Variants in CLCA2 observed in about 807,000 individuals in gnomAD.
CLCA2 encodes calcium-activated chloride channel regulator 2.
In CLCA2, 85 loss-of-function variants were observed where a neutral mutation model predicts 82.9. The observed-to-expected ratio is 1.03, with a 90% CI of 0.86 to 1.23. The LOEUF is 1.23. Among genes scored for constraint, CLCA2 ranks in the 50% most tolerant of loss-of-function variants. CLCA2 has a pLI of 0.00. For synonymous variants in CLCA2, 421 were observed against 391.7 expected, an observed-to-expected ratio of 1.07 and a Z score of -0.88; for missense variants, 1,089 against 1,124.8, an observed-to-expected ratio of 0.97 and a Z score of 0.45.
At chr1:86,441,022 T>TA (rs1662723534) in intron 8 of CLCA2, among the ~76,000 whole-genome samples, 1 of 152,186 alleles carries the variant, frequency 6.6e-6, no homozygotes, top group Admixed American at 6.5e-5. Context: ...CCTTATTCAA[T>TA]AAAAAATGGG....
intron 3 of CLCA2, 92 bp from the exon 4 acceptor site, chr1:86,430,770 T>C (rs1662480197): frequency 1.1e-6 from 1 of 910,592 alleles, no homozygotes; most frequent in Admixed American, 1.8e-5. Context: ...CCAAAGAGTA[T>C]GTGTGGTCAA....
At chr1:86,444,568 A>G (rs1400801740) in intron 10 of CLCA2, among the ~76,000 whole-genome samples, 1 of 152,206 alleles carries the variant, frequency 6.6e-6, no homozygotes, top group African/African-American at 2.4e-5. Flanking sequence ...TATTGTGGGC[A>G]GAGGAAACAG....
chr1:86,426,294 T>C (rs1162192893), intron 2 of CLCA2, among the ~76,000 whole-genome samples: 1 of 152,142 alleles, frequency 6.6e-6, no homozygotes, highest in Admixed American at 6.6e-5. Context: ...AGATTGTAAC[T>C]ACATCTCTAA....
chr1:86,447,667 T>C lies in CLCA2; in HGVS notation c.1873T>C (p.Tyr625His). Residue 625 changes from tyrosine (Y) to histidine (H), a missense_variant, in exon 11 of 14, where the codon TAT becomes CAT. Transcript: ENST00000370565. ...SLHFPHPVMI[Y>H]ANVKQGFYPI... is the part of the protein sequence containing the mutation. ...CCATTTTCCTCATCCTGTGATGATT[T>C]ATGCCAATGTGAAACAGGGATTTTA... The C allele has an allele frequency of 6.2e-7, 1 of 1,614,144 alleles. No individual in the cohort carries two copies. Among genetic ancestry groups the C allele is most frequent in the Non-Finnish European group, 8.5e-7 (1 of 1,180,024 alleles).
chr1:86,428,078 A>T (rs771262574), intron 2 of CLCA2, among the ~76,000 whole-genome samples: 1 of 152,180 alleles, frequency 6.6e-6, no homozygotes, highest in Non-Finnish European at 1.5e-5. Context: ...GTGTTTTGTT[A>T]TATCAGACTT....
At chr1:86,446,212 G>A (rs1313158999) in intron 10 of CLCA2, among the ~76,000 whole-genome samples, 3 of 143,056 alleles carry the variant, frequency 2.1e-5, no homozygotes, top group African/African-American at 7.8e-5. Flanking sequence ...GTGAGCTGTG[G>A]GAACTTTTTT....
chr1:86,455,320 G>A lies in CLCA2; in HGVS notation c.2625G>A (p.Gln875=). 1 of 1,613,938 alleles carries A rather than the reference G, an allele frequency of 6.2e-7. No homozygotes were observed. The highest frequency in any genetic ancestry group is 1.7e-5 in the Admixed American group (1 of 59,980). The stretch of plus-strand genomic sequence containing the variant: ...GAGCAATGGATAGGAACTCCTTACA[G>A]TCTGCTGTATCTAACATTGCCCAGG... The part of the protein sequence containing the change: ...AIRAMDRNSL[Q]SAVSNIAQAP... Residue 875 remains glutamine (Q), a synonymous_variant, in exon 14 of 14, where the codon CAG becomes CAA. Coordinates refer to ENST00000370565, the MANE Select transcript of CLCA2 (RefSeq NM_006536.7).
At chr1:86,438,437 C>T (rs1662656131) in intron 6 of CLCA2, among the ~76,000 whole-genome samples, 1 of 152,230 alleles carries the variant, frequency 6.6e-6, no homozygotes, top group Non-Finnish European at 1.5e-5. Flanking sequence ...ACCACAATAG[C>T]AGAGGGTAGT....
intron 5 of CLCA2, among the ~76,000 whole-genome samples, chr1:86,433,508 A>G (rs1264845583): frequency 1.3e-5 from 2 of 152,202 alleles, no homozygotes; most frequent in African/African-American, 4.8e-5. Context: ...TATAGCTTTA[A>G]TATCTGATAC....
Position 86,424,287 on chromosome 1 carries a change from A to G in CLCA2, c.40A>G (p.Lys14Glu), listed in dbSNP as rs1289898400. 1.9e-6 allele frequency: 3 copies of G among 1,613,692 alleles called. No individual in the cohort carries two copies. The highest frequency in any genetic ancestry group is 1.1e-5 in the South Asian group (1 of 91,026). The change falls in exon 1 of 14, where the codon AAG (lysine) becomes GAG (glutamate). Residue 14 changes from lysine to glutamate, a missense_variant. Transcript: ENST00000370565. ...RSIAGPICNL[K>E]FVTLLVALSS... ...CATTGCAGGTCCTATTTGCAACCTGAAGTTTGTGACTCTCCTGGTTGCCTT... is the reference window on the plus strand; with the variant it reads ...CATTGCAGGTCCTATTTGCAACCTGGAGTTTGTGACTCTCCTGGTTGCCTT...
At chr1:86,438,792 G>C in intron 6 of CLCA2, 84 bp from the exon 7 acceptor site, 1 of 1,054,824 alleles carries the variant, frequency 9.5e-7, no homozygotes, top group Admixed American at 1.8e-5. Context: ...AATTAGCAGA[G>C]ATGTTTGCTA....
chr1:86,426,237 G>A (rs1662382928), intron 2 of CLCA2, among the ~76,000 whole-genome samples: 1 of 152,176 alleles, frequency 6.6e-6, no homozygotes, highest in South Asian at 2.1e-4. Flanking sequence ...GCCAGAAGTA[G>A]AGGCATTGGC....
Position 86,432,665 on chromosome 1 carries a change from T to C in CLCA2, c.744+137T>C, listed in dbSNP as rs1030080783. 1.5e-5 allele frequency: 15 copies of C among 1,017,752 alleles called. No individual in the cohort carries two copies. In the African/African-American group the frequency reaches 2.5e-4, roughly 17 times the overall value. The allele number at this position is 1,017,752 out of a possible 1,614,324, so 63.0% of individuals were successfully genotyped here. A position where few individuals can be genotyped will look rare whatever the true frequency, so the allele number is the denominator to read the frequency against. ...CCCTAGAGTTCATCTAGTTTTTATC[T>C]ACAGATTTAAAAATTGGAACCCCCA... On this transcript the variant is annotated intron_variant, in intron 5 of 13. Transcript: ENST00000370565.
rs552539228 is a variant in CLCA2 at position 86,431,966 on chromosome 1, G to A, written c.585-403G>A. ...TGTTTGTTTTTTGAGACGGAGTTTCGCTCCTGTCGCCCAGGCTGGAGTGCA... is the reference window on the plus strand; with the variant it reads ...TGTTTGTTTTTTGAGACGGAGTTTCACTCCTGTCGCCCAGGCTGGAGTGCA... On this transcript the variant is annotated intron_variant, in intron 4 of 13. Coordinates refer to ENST00000370565, the MANE Select transcript of CLCA2 (RefSeq NM_006536.7). Among the ~76,000 whole-genome samples, 38 of 152,036 alleles carry A rather than the reference G, an allele frequency of 2.5e-4. 2 individuals carry two copies. The South Asian group carries it at 7.3e-3, about 29-fold the overall frequency.
chr1:86,444,060 GA>G, intron 10 of CLCA2, 49 bp downstream of exon 10: 1 of 1,215,848 alleles, frequency 8.2e-7, no homozygotes, highest in Non-Finnish European at 1.2e-6. Context: ...CCAAGTTTAT[GA>G]TTTTCAGCTG....
At chr1:86,436,319 T>A (rs1662608694) in intron 6 of CLCA2, among the ~76,000 whole-genome samples, 1 of 152,216 alleles carries the variant, frequency 6.6e-6, no homozygotes, top group South Asian at 2.1e-4. Context: ...CCGCAGAAAC[T>A]GGCAGTTGCT....
At chr1:86,450,139 G>A (rs762695829) in intron 11 of CLCA2, among the ~76,000 whole-genome samples, 4 of 152,084 alleles carry the variant, frequency 2.6e-5, no homozygotes, top group Admixed American at 6.6e-5. Flanking sequence ...ATAAACCCTT[G>A]AAACTGTATG....
intron 1 of CLCA2, among the ~76,000 whole-genome samples, chr1:86,424,971 G>A (rs1662360479): frequency 6.6e-6 from 1 of 152,130 alleles, no homozygotes; most frequent in African/African-American, 2.4e-5. Flanking sequence ...GCTCTATGAT[G>A]TAAGAGCCTC....
In CLCA2 at chr1:86,438,988, C is replaced by A; in HGVS notation, c.1085C>A (p.Ala362Asp). ...TTCGACAGCAAAGGAGAGATCAGAG[C>A]CCAGCTACACCAAATTAACAGCAAT... The part of the protein sequence containing the change: ...ASFDSKGEIR[A>D]QLHQINSNDD... The change falls in exon 7 of 14, where the codon GCC becomes GAC. Residue 362 changes from alanine to aspartate, a missense_variant. By Grantham distance (126) the Ala-to-Asp change is moderately radical. Coordinates refer to ENST00000370565, the MANE Select transcript of CLCA2 (RefSeq NM_006536.7). 6.2e-7 allele frequency: 1 copy of A among 1,614,082 alleles called. No homozygotes were observed. The highest frequency in any genetic ancestry group is 1.3e-5 in the African/African-American group (1 of 75,030).
Sources: allele counts gnomAD v4.1 joint callset (sites outside exome capture counted in the v4.1 genomes callset), GRCh38; gene constraint gnomAD v4.1.1; transcripts MANE v1.5; gene names NCBI Gene and HGNC (gene_info 2026-07-23, HGNC 2026-07-21).